The following ZC3H14 variants were observed in gnomAD, a reference collection of about 807,000 sequenced individuals.
ZC3H14 encodes the protein zinc finger CCCH-type containing 14.
A neutral mutation model predicts 92.4 loss-of-function variants in ZC3H14; 31 were observed. That is an observed-to-expected ratio of 0.34 (90% CI 0.25 to 0.45). The LOEUF is 0.45. Among genes scored for constraint, ZC3H14 ranks in the 20% least tolerant of loss-of-function variants. The pLI, the probability that ZC3H14 is intolerant of heterozygous loss-of-function variation, is 1.00. For missense variants in ZC3H14, 781 were observed against 897.3 expected, an observed-to-expected ratio of 0.87 and a Z score of 1.66; for synonymous variants, 321 against 300.9, an observed-to-expected ratio of 1.07 and a Z score of -0.69.
At chr14:88,582,968 C>T (rs1272876253) in intron 9 of ZC3H14, among the ~76,000 whole-genome samples, 2 of 151,980 alleles carry the variant, frequency 1.3e-5, no homozygotes, top group South Asian at 2.1e-4. Context: ...ACTAGCGCAC[C>T]CACCTCATAA....
rs1008498788 is a variant in ZC3H14, at chr14:88,618,492, A to T, written c.*6741A>T. Reference sequence around the variant, plus strand: ...AAAACTTAATAGGAGAAAAGCTCTGATAAGTGGGGGAGGAAAGGGGAGCTG... The same window carrying T: ...AAAACTTAATAGGAGAAAAGCTCTGTTAAGTGGGGGAGGAAAGGGGAGCTG... On this transcript the variant is annotated 3_prime_UTR_variant, in exon 17 of 17. Transcript: ENST00000251038. 9.2e-7 allele frequency: 1 copy of T among 1,091,766 alleles called. No homozygotes were observed. Among genetic ancestry groups the T allele is most frequent in the African/African-American group, 1.6e-5 (1 of 63,194 alleles). 67.6% of individuals were successfully genotyped at this position (1,091,766 alleles called of 1,614,324 possible).
At chr14:88,578,250 A>G in intron 9 of ZC3H14, 110 bp downstream of exon 9, 1 of 1,423,158 alleles carries the variant, frequency 7.0e-7, no homozygotes, top group Non-Finnish European at 9.7e-7. Context: ...GTGATGATTA[A>G]GCCCAGAAAT....
rs1020244040 is a variant in ZC3H14 at position 88,626,756 on chromosome 14, A to G, written c.*15005A>G. ...ATTAGCAGATCACAGTATCATCTCAACAACATTCATGTGGCTGATGATCTA... is the reference window on the plus strand; with the variant it reads ...ATTAGCAGATCACAGTATCATCTCAGCAACATTCATGTGGCTGATGATCTA... On this transcript the variant is annotated 3_prime_UTR_variant, in exon 17 of 17. Coordinates refer to ENST00000251038, the MANE Select transcript of ZC3H14 (RefSeq NM_024824.5). The G allele has an allele frequency of 2.9e-6, 4 of 1,380,506 alleles. No homozygotes were observed. The highest frequency in any genetic ancestry group is 2.4e-5 in the East Asian group (1 of 41,686). 85.5% of individuals were successfully genotyped at this position (1,380,506 alleles called of 1,614,324 possible). A position where few individuals can be genotyped will look rare whatever the true frequency, so the allele number is the denominator to read the frequency against.
Position 88,622,988 on chromosome 14 carries a change from A to G in ZC3H14, c.*11237A>G. 3.6e-6 allele frequency: 1 copy of G among 277,288 alleles called. No homozygotes were observed. The highest frequency in any genetic ancestry group is 6.6e-6 in the Non-Finnish European group (1 of 150,856). The allele number at this position is 277,288 out of a possible 1,614,324, so 17.2% of individuals were successfully genotyped here. ...TAATTTTATTTAGCCTCTACAATAC[A>G]TTACAATACATTATCCTCTCTCATA... On this transcript the variant is annotated 3_prime_UTR_variant, in exon 17 of 17. Transcript: ENST00000251038.
At position 88,602,995 on chromosome 14, in the gene ZC3H14, T is replaced by C; in HGVS notation, c.1682T>C (p.Leu561Pro). The C allele has an allele frequency of 6.2e-7, 1 of 1,614,170 alleles. No homozygotes were observed. The highest frequency in any genetic ancestry group is 8.5e-7 in the Non-Finnish European group (1 of 1,180,024). The change falls in exon 12 of 17, where the codon CTC (leucine) becomes CCC (proline). Residue 561 changes from leucine (L) to proline (P), a missense_variant. Physicochemically the swap from Leu to Pro is moderately conservative, Grantham distance 98. Around this residue, in one of 3 missense-constraint regions of ZC3H14, gnomAD observed 221 missense variants for 304.7 expected, o/e 0.73. Coordinates refer to ENST00000251038, the MANE Select transcript of ZC3H14 (RefSeq NM_024824.5). ...TCAAACAAGGGACTCAGAGGTCTCC[T>C]CCACCCACAGCAGTTGCACTTGCTG... ...AASNKGLRGL[L>P]HPQQLHLLSR... is the part of the protein sequence containing the mutation.
rs757023015 is a variant in ZC3H14 at position 88,627,022 on chromosome 14, C to G, written c.*15271C>G. 2 of 1,613,838 alleles carry G rather than the reference C, an allele frequency of 1.2e-6. No individual in the cohort carries two copies. The highest frequency in any genetic ancestry group is 1.7e-4 in the Middle Eastern group (1 of 6,060). ...TGCCACAAAAATACGTTGATTGTGA[C>G]CAGCTCTGCTGGCAATTTTGGCACC... is the stretch of plus-strand genomic sequence containing the variant. On this transcript the variant is annotated 3_prime_UTR_variant, in exon 17 of 17. Coordinates refer to ENST00000251038, the MANE Select transcript of ZC3H14 (RefSeq NM_024824.5).
intron 8 of ZC3H14, among the ~76,000 whole-genome samples, chr14:88,577,341 C>G (rs988083731): frequency 3.3e-5 from 5 of 152,076 alleles, no homozygotes; most frequent in African/African-American, 1.2e-4. Flanking sequence ...CCTAGGTTAT[C>G]TAAATTACAA....
In ZC3H14 at chr14:88,626,583, C is replaced by A. The variant is rs937974497; in HGVS notation, c.*14832C>A. 11 of 448,398 alleles carry A rather than the reference C, an allele frequency of 2.5e-5. No homozygotes were observed. The highest frequency in any genetic ancestry group is 4.5e-5 in the Non-Finnish European group (11 of 245,260). 27.8% of individuals were successfully genotyped at this position (448,398 alleles called of 1,614,324 possible). ...AGTGAGCTATAATCGCACCATTGCA[C>A]CCCAGCCCAGGCGACAGAGTGAGAT... On this transcript the variant is annotated 3_prime_UTR_variant, in exon 17 of 17. Coordinates refer to ENST00000251038, the MANE Select transcript of ZC3H14 (RefSeq NM_024824.5).
rs1053220834 is a variant in ZC3H14, at chr14:88,616,824, C to T, written c.*5073C>T. ...GAATGAGATACACAGGCACAGTTGA[C>T]ATCAGCTTTCTCAGCATGTCTGGAC... is the stretch of plus-strand genomic sequence containing the variant. On this transcript the variant is annotated 3_prime_UTR_variant, in exon 17 of 17. Transcript: ENST00000251038. 14 of 1,613,816 alleles carry T rather than the reference C, an allele frequency of 8.7e-6. No homozygotes were observed. Among genetic ancestry groups the T allele is most frequent in the Non-Finnish European group, 1.2e-5 (14 of 1,179,866 alleles).
chr14:88,594,683 GGA>G (rs1161913436), intron 9 of ZC3H14: 10 of 1,612,872 alleles, frequency 6.2e-6, no homozygotes, highest in Middle Eastern at 1.6e-4. Context: ...AGATTTTAAG[GGA>G]GAGAATTTTA....
intron 8 of ZC3H14, 134 bp from the exon 9 acceptor site, chr14:88,577,851 G>A: frequency 8.7e-7 from 1 of 1,148,260 alleles, no homozygotes. Flanking sequence ...TTACAGGCAT[G>A]AGCCACTGCG....
intron 1 of ZC3H14, chr14:88,563,420 G>T: frequency 7.0e-7 from 1 of 1,428,524 alleles, no homozygotes; most frequent in Non-Finnish European, 9.1e-7. Flanking sequence ...AGCCACCACC[G>T]CGGCGCACGG....
chr14:88,621,406 C>A lies in ZC3H14; in HGVS notation c.*9655C>A. 7.2e-7 allele frequency: 1 copy of A among 1,385,392 alleles called. No homozygotes were observed. The highest frequency in any genetic ancestry group is 1.0e-6 in the Non-Finnish European group (1 of 993,160). The allele number at this position is 1,385,392 out of a possible 1,614,324, so 85.8% of individuals were successfully genotyped here. Reference sequence around the variant, plus strand: ...TGACCTGCTTTCAGAGAACTTTTTGCTTTGAGCTAATCTAGTAGCAAGGCA... The same window carrying A: ...TGACCTGCTTTCAGAGAACTTTTTGATTTGAGCTAATCTAGTAGCAAGGCA... On this transcript the variant is annotated 3_prime_UTR_variant, in exon 17 of 17. Transcript: ENST00000251038.
At chr14:88,582,333 A>G (rs889954220) in intron 9 of ZC3H14, among the ~76,000 whole-genome samples, 1 of 152,170 alleles carries the variant, frequency 6.6e-6, no homozygotes, top group African/African-American at 2.4e-5. Context: ...TGCAGAGGCC[A>G]GAGGAGTATG....
chr14:88,574,794 C>T lies in ZC3H14; in HGVS notation c.963C>T (p.Tyr321=), dbSNP rs17124785. Residue 321 remains tyrosine, a synonymous_variant, in exon 7 of 17, where the codon TAC becomes TAT. Coordinates refer to ENST00000251038, the MANE Select transcript of ZC3H14 (RefSeq NM_024824.5). The stretch of plus-strand genomic sequence containing the variant: ...AAGAGGAGGAAGAAGATGATGATTA[C>T]GGGTCTCGAACAGGAAGCATCTCCA... ...DGEEEEEDDD[Y]GSRTGSISSS... 764 of 1,614,060 alleles carry T rather than the reference C, an allele frequency of 4.7e-4. 4 individuals carry two copies. In the African/African-American group the frequency reaches 8.5e-3, roughly 18 times the overall value.
chr14:88,589,067 T>G (rs2082787279), intron 9 of ZC3H14, among the ~76,000 whole-genome samples: 1 of 152,186 alleles, frequency 6.6e-6, no homozygotes, highest in Non-Finnish European at 1.5e-5. Context: ...TTTATGCTTT[T>G]TTTCTTGCTC....
intron 12 of ZC3H14, 53 bp downstream of exon 12, chr14:88,603,113 G>A: frequency 6.5e-7 from 1 of 1,545,706 alleles, no homozygotes; most frequent in South Asian, 1.1e-5. Flanking sequence ...GGGAATCTTT[G>A]ACTTGTTTCT....
Position 88,572,741 on chromosome 14 carries a change from C to T in ZC3H14, c.595C>T (p.Pro199Ser), listed in dbSNP as rs1476096827. ...GGAGAATCCCTTATCTCAGAAAAAA[C>T]CTACAGTGACACTTACATATGGTTC... ...VQENPLSQKK[P>S]TVTLTYGSSR... The change falls in exon 6 of 17, where the codon CCT (proline) becomes TCT (serine). Residue 199 changes from proline to serine, a missense_variant. Physicochemically the swap from Pro to Ser is moderately conservative, Grantham distance 74. Coordinates refer to ENST00000251038, the MANE Select transcript of ZC3H14 (RefSeq NM_024824.5). 4 of 1,614,024 alleles carry T rather than the reference C, an allele frequency of 2.5e-6. No individual in the cohort carries two copies. Among genetic ancestry groups the T allele is most frequent in the Non-Finnish European group, 3.4e-6 (4 of 1,180,036 alleles).
intron 9 of ZC3H14, chr14:88,586,432 A>G (rs956933949): frequency 6.6e-6 from 1 of 152,196 alleles, no homozygotes; most frequent in Admixed American, 6.5e-5. Flanking sequence ...GTTCTTGTGC[A>G]GTAGTTTTGC....
Sources: gnomAD v4.1 joint callset for allele counts (sites outside exome capture counted in the v4.1 genomes callset) on GRCh38, gnomAD v4.1.1 for gene constraint, gnomAD v4.1.1 regional missense constraint, MANE v1.5 for transcripts, NCBI Gene and HGNC (gene_info 2026-07-23, HGNC 2026-07-21) for gene names.